B3GALT1: variants seen among roughly 807,000 people sequenced by gnomAD.
B3GALT1 encodes the protein UDP-Gal:betaGlcNAc beta 1,3-galactosyltransferase, polypeptide 1.
B3GALT1 carries 10 observed loss-of-function variants against 23.2 expected under a neutral mutation model. That is an observed-to-expected ratio of 0.43 (90% CI 0.27 to 0.73). B3GALT1 has a LOEUF of 0.73. Among genes scored for constraint, B3GALT1 ranks in the 30% least tolerant of loss-of-function variants. The pLI is 0.21. For synonymous variants in B3GALT1, 156 were observed against 141.5 expected, an observed-to-expected ratio of 1.10 and a Z score of -0.73; for missense variants, 299 against 405.4, an observed-to-expected ratio of 0.74 and a Z score of 2.25.
intron 2 of B3GALT1, among the ~76,000 whole-genome samples, chr2:167,526,094 T>C (rs975404591): frequency 6.6e-6 from 1 of 152,116 alleles, no homozygotes; most frequent in Non-Finnish European, 1.5e-5. Flanking sequence ...TATTGGAGAA[T>C]GGTATTTATA....
intron 2 of B3GALT1, among the ~76,000 whole-genome samples, chr2:167,540,570 A>G (rs1357104328): frequency 6.6e-6 from 1 of 152,160 alleles, no homozygotes; most frequent in Non-Finnish European, 1.5e-5. Context: ...AATTCTGCCA[A>G]AAACCTGGTG....
chr2:167,394,593 G>A (rs1405370653), intron 1 of B3GALT1, among the ~76,000 whole-genome samples: 1 of 152,092 alleles, frequency 6.6e-6, no homozygotes, highest in Admixed American at 6.5e-5. Context: ...GCAATTTGAT[G>A]TGGGAGCATT....
At chr2:167,495,817 G>A (rs375609442) in intron 2 of B3GALT1, among the ~76,000 whole-genome samples, 26 of 152,116 alleles carry the variant, frequency 1.7e-4, no homozygotes, top group African/African-American at 3.1e-4. Context: ...TCAATGTTTC[G>A]TATGGTGAAG....
At chr2:167,713,028 C>A (rs1411706635) in intron 3 of B3GALT1, among the ~76,000 whole-genome samples, 4 of 152,084 alleles carry the variant, frequency 2.6e-5, no homozygotes, top group Non-Finnish European at 4.4e-5. Context: ...GAGAAAGAGG[C>A]CCATGGATTT....
intron 1 of B3GALT1, among the ~76,000 whole-genome samples, chr2:167,449,639 A>C (rs1247329641): frequency 6.6e-6 from 1 of 152,118 alleles, no homozygotes; most frequent in Non-Finnish European, 1.5e-5. Flanking sequence ...GTTGAATAGA[A>C]GTGGTGAGAG....
intron 2 of B3GALT1, among the ~76,000 whole-genome samples, chr2:167,627,413 G>A (rs1685366720): frequency 6.6e-6 from 1 of 151,560 alleles, no homozygotes; most frequent in Non-Finnish European, 1.5e-5. Flanking sequence ...CATGTAAATT[G>A]AATCATGCAA....
intron 4 of B3GALT1, among the ~76,000 whole-genome samples, chr2:167,822,761 C>A (rs182324351): frequency 6.6e-6 from 1 of 152,286 alleles, no homozygotes; most frequent in Admixed American, 6.5e-5. Context: ...AAAATTCACT[C>A]CTCCACATGC....
At chr2:167,519,285 G>A (rs1455660172) in intron 2 of B3GALT1, among the ~76,000 whole-genome samples, 4 of 152,124 alleles carry the variant, frequency 2.6e-5, no homozygotes, top group Non-Finnish European at 4.4e-5. Flanking sequence ...AAGAATAATT[G>A]AGAAATGGCC....
rs542045657 is a variant in B3GALT1, at chr2:167,793,132, C to T, written c.-351-25540C>T. 5.9e-5 allele frequency among the ~76,000 whole-genome samples: 9 copies of T among 152,232 alleles called. No homozygotes were observed. In the South Asian group the frequency reaches 1.5e-3, roughly 25 times the overall value. ...GAATTAGTCAACTGAACAAGTCCAC[C>T]AGGGCCCAGGCTCCCTTTCCCTCCA... On this transcript the variant is annotated intron_variant, in intron 3 of 4. Transcript: ENST00000392690.
chr2:167,555,032 G>C (rs1683818363), intron 2 of B3GALT1, among the ~76,000 whole-genome samples: 1 of 152,140 alleles, frequency 6.6e-6, no homozygotes, highest in Non-Finnish European at 1.5e-5. Context: ...CGTATGTGCT[G>C]AGTGATATAC....
At chr2:167,643,095 CTT>C (rs2105457102) in intron 2 of B3GALT1, among the ~76,000 whole-genome samples, 1 of 152,232 alleles carries the variant, frequency 6.6e-6, no homozygotes, top group Admixed American at 6.5e-5. Flanking sequence ...AGTAGGTTAA[CTT>C]TTATGAAGAT....
At chr2:167,438,472 G>C (rs1037881420) in intron 1 of B3GALT1, among the ~76,000 whole-genome samples, 2 of 152,228 alleles carry the variant, frequency 1.3e-5, no homozygotes, top group Non-Finnish European at 2.9e-5. Context: ...TATGCAGAGA[G>C]AGAATTACTT....
intron 1 of B3GALT1, among the ~76,000 whole-genome samples, chr2:167,375,764 A>G (rs556753111): frequency 5.9e-5 from 9 of 152,270 alleles, no homozygotes; most frequent in Admixed American, 1.3e-4. Context: ...TTTTCTACAT[A>G]TAGAATCACA....
rs533252587 is a variant in B3GALT1, at chr2:167,697,400, G to A, written c.-352+50434G>A. 1.2e-3 allele frequency among the ~76,000 whole-genome samples: 179 copies of A among 152,314 alleles called. 1 individual carries two copies. The highest frequency in any genetic ancestry group is 4.1e-3 in the African/African-American group (171 of 41,574). ...GTGATGGTTGTTTGCATTCCAATAA[G>A]ATGGCTGCATTGGGCAATTTGTGGT... On this transcript the variant is annotated intron_variant, in intron 3 of 4. Coordinates refer to ENST00000392690, the MANE Select transcript of B3GALT1 (RefSeq NM_020981.4).
intron 1 of B3GALT1, among the ~76,000 whole-genome samples, chr2:167,439,342 A>G (rs1698840416): frequency 6.6e-6 from 1 of 152,102 alleles, no homozygotes; most frequent in South Asian, 2.1e-4. Flanking sequence ...TTTTCACATC[A>G]ATATTGTCAA....
intron 2 of B3GALT1, among the ~76,000 whole-genome samples, chr2:167,613,577 A>G (rs1038737986): frequency 6.6e-6 from 1 of 151,576 alleles, no homozygotes; most frequent in African/African-American, 2.4e-5. Flanking sequence ...TATATTTCCA[A>G]TTTTTAAATT....
chr2:167,616,481 C>T (rs895689739), intron 2 of B3GALT1, among the ~76,000 whole-genome samples: 1 of 151,934 alleles, frequency 6.6e-6, no homozygotes, highest in Non-Finnish European at 1.5e-5. Context: ...GGTGGATGAT[C>T]ACTTGAGGTC....
intron 1 of B3GALT1, among the ~76,000 whole-genome samples, chr2:167,301,364 C>T (rs1422822741): frequency 6.6e-6 from 1 of 152,050 alleles, no homozygotes; most frequent in Non-Finnish European, 1.5e-5. Context: ...TTCTGGGTAC[C>T]ATCACTGATG....
chr2:167,298,945 A>G (rs1435560007), intron 1 of B3GALT1, among the ~76,000 whole-genome samples: 1 of 152,156 alleles, frequency 6.6e-6, no homozygotes, highest in Non-Finnish European at 1.5e-5. Flanking sequence ...ATTTTAAACA[A>G]TTAAAAACCT....
Sources: gnomAD v4.1 joint callset for allele counts (sites outside exome capture counted in the v4.1 genomes callset) on GRCh38, gnomAD v4.1.1 for gene constraint, MANE v1.5 for transcripts, NCBI Gene and HGNC (gene_info 2026-07-23, HGNC 2026-07-21) for gene names.